Variants in WASF3 observed in about 807,000 individuals in gnomAD.
WASF3 encodes the protein WASP family member 3, also known as actin-binding protein WASF3.
A neutral mutation model predicts 46.6 loss-of-function variants in WASF3; 11 were observed. That is an observed-to-expected ratio of 0.24 (90% CI 0.15 to 0.39). The LOEUF is 0.39. WASF3 is among the 10% of genes least tolerant of loss of function. The pLI is 1.00. For missense variants in WASF3, 576 were observed against 669.8 expected (o/e 0.86, Z 1.55); for synonymous variants, 242 against 259.7 (o/e 0.93, Z 0.65).
At chr13:26,660,185 TTTTG>T (rs1882583005) in intron 3 of WASF3, among the ~76,000 whole-genome samples, 1 of 144,602 alleles carries the variant, frequency 6.9e-6, no homozygotes, top group African/African-American at 2.5e-5. Flanking sequence ...AGCTTTTGTT[TTTTG>T]TTTGGTTTTT....
chr13:26,551,329 G>A, the WASF3 span, among the ~76,000 whole-genome samples: 2 of 152,126 alleles, frequency 1.3e-5, no homozygotes, highest in Non-Finnish European at 2.9e-5. Flanking sequence ...GTGGCTTCAT[G>A]GGGGATGGAA....
chr13:26,571,168 G>A (rs960390337), intron 1 of WASF3, among the ~76,000 whole-genome samples: 4 of 151,526 alleles, frequency 2.6e-5, no homozygotes, highest in African/African-American at 9.7e-5. Context: ...GTTTTTCTTT[G>A]CCTTAGGAAT....
intron 1 of WASF3, among the ~76,000 whole-genome samples, chr13:26,596,634 A>G (rs961370581): frequency 6.6e-6 from 1 of 152,010 alleles, no homozygotes; most frequent in Non-Finnish European, 1.5e-5. Flanking sequence ...TGTGTTTACT[A>G]TCTTTGGGTT....
At chr13:26,666,886 AAAAAG>A (rs1329756064) in intron 4 of WASF3, among the ~76,000 whole-genome samples, 1 of 149,488 alleles carries the variant, frequency 6.7e-6, no homozygotes, top group Non-Finnish European at 1.5e-5. Flanking sequence ...AAAAAAAAAA[AAAAAG>A]AGGTGAGTTA....
upstream of WASF3, among the ~76,000 whole-genome samples, chr13:26,552,971 C>T (rs1879001963): frequency 6.6e-6 from 1 of 152,164 alleles, no homozygotes. Flanking sequence ...CCTAAGCTGC[C>T]TACATTTTGA....
intron 1 of WASF3, among the ~76,000 whole-genome samples, chr13:26,568,226 A>G (rs1163046008): frequency 6.6e-6 from 1 of 152,148 alleles, no homozygotes; most frequent in Non-Finnish European, 1.5e-5. Flanking sequence ...GAGGATCACT[A>G]GGACTGCTGT....
chr13:26,634,624 C>T (rs1297959041), intron 2 of WASF3, among the ~76,000 whole-genome samples: 1 of 152,164 alleles, frequency 6.6e-6, no homozygotes, highest in Non-Finnish European at 1.5e-5. Flanking sequence ...GTGGCTGGTA[C>T]CGGTTGTTCC....
intron 2 of WASF3, among the ~76,000 whole-genome samples, chr13:26,636,108 G>A (rs561413193): frequency 6.6e-6 from 1 of 152,354 alleles, no homozygotes; most frequent in African/African-American, 2.4e-5. Context: ...GCTATGCCCT[G>A]CCCACAGAGG....
intron 3 of WASF3, among the ~76,000 whole-genome samples, chr13:26,643,574 T>C (rs7332086): frequency 0.047 from 7,182 of 152,304 alleles, 593 homozygotes; most frequent in African/African-American, 0.16. Context: ...GATAAAAATA[T>C]ACAAATTCAC....
At position 26,679,272 on chromosome 13, in the gene WASF3, C is replaced by G. The variant is rs1365729161; in HGVS notation, c.717-1782C>G. On this transcript the variant is annotated intron_variant, in intron 7 of 9. Coordinates refer to ENST00000335327, the MANE Select transcript of WASF3 (RefSeq NM_006646.6). This position sits in a 1 kb window ranked among gnomAD's most constrained non-coding sequence, Gnocchi z 4.8. ...TGCTCCTCCCTCCTCCTCCTCCTGC[C>G]TGCTGGCACATCCCTTTTCTGTGGT... Among the ~76,000 whole-genome samples, 1 of 152,182 alleles carries G rather than the reference C, an allele frequency of 6.6e-6. No individual in the cohort carries two copies. Among genetic ancestry groups the G allele is most frequent in the Non-Finnish European group, 1.5e-5 (1 of 68,022 alleles).
intron 2 of WASF3, among the ~76,000 whole-genome samples, chr13:26,625,623 T>G (rs1881442165): frequency 6.6e-6 from 1 of 152,184 alleles, no homozygotes; most frequent in South Asian, 2.1e-4. Flanking sequence ...CCCACCCACC[T>G]TGGTGAGGGT....
intron 1 of WASF3, among the ~76,000 whole-genome samples, chr13:26,562,894 CCTTTTCTTTTCTTTTCT>C (rs1301464267): frequency 6.9e-6 from 1 of 145,220 alleles, no homozygotes; most frequent in Non-Finnish European, 1.5e-5. Flanking sequence ...CGCCTCCCTC[CCTTTTCTTTTCTTTTCT>C]CTTTTCTTTT....
chr13:26,633,448 C>CCT (rs1881721085), intron 2 of WASF3, among the ~76,000 whole-genome samples: 4 of 152,090 alleles, frequency 2.6e-5, no homozygotes, highest in Non-Finnish European at 5.9e-5. Context: ...AGGTGATCTG[C>CCT]CCACCTCGGC....
chr13:26,661,847 T>C (rs1882641310), intron 3 of WASF3, among the ~76,000 whole-genome samples: 1 of 152,230 alleles, frequency 6.6e-6, no homozygotes, highest in Non-Finnish European at 1.5e-5. Context: ...TTTCAGTCAT[T>C]CTTAAAACTG....
upstream of WASF3, among the ~76,000 whole-genome samples, chr13:26,554,193 C>G (rs1879046981): frequency 6.6e-6 from 1 of 150,964 alleles, no homozygotes; most frequent in Non-Finnish European, 1.5e-5. Flanking sequence ...ATGGTGTGAG[C>G]ACAGCTCACT....
chr13:26,627,626 A>T (rs1369543821), intron 2 of WASF3, among the ~76,000 whole-genome samples: 1 of 152,186 alleles, frequency 6.6e-6, no homozygotes, highest in Non-Finnish European at 1.5e-5. Flanking sequence ...AACGAAGGCT[A>T]AGAATTCTTA....
intron 1 of WASF3, among the ~76,000 whole-genome samples, chr13:26,607,794 C>T (rs1880845814): frequency 6.6e-6 from 1 of 151,988 alleles, no homozygotes; most frequent in Non-Finnish European, 1.5e-5. Context: ...GGCCCCCATG[C>T]CTAGCTAATT....
chr13:26,628,808 C>T (rs925221746), intron 2 of WASF3, among the ~76,000 whole-genome samples: 1 of 152,236 alleles, frequency 6.6e-6, no homozygotes, highest in African/African-American at 2.4e-5. Context: ...CAAAGTTCCC[C>T]TGGGCTGTTG....
intron 1 of WASF3, among the ~76,000 whole-genome samples, chr13:26,584,527 A>C (rs969748300): frequency 6.6e-6 from 1 of 152,242 alleles, no homozygotes; most frequent in Non-Finnish European, 1.5e-5. Flanking sequence ...GTCGTTAACC[A>C]GCGGAATTAC....
Sources: gnomAD v4.1 joint callset for allele counts (sites outside exome capture counted in the v4.1 genomes callset) on GRCh38, gnomAD v4.1.1 for gene constraint, Gnocchi (gnomAD v3.1) non-coding constraint, MANE v1.5 for transcripts, NCBI Gene and HGNC (gene_info 2026-07-23, HGNC 2026-07-21) for gene names.